The following AKAP11 variants were observed in gnomAD, a reference collection of about 807,000 sequenced individuals.
The protein encoded by AKAP11 is A-kinase anchoring protein 11, also known as A-kinase anchor protein 11.
AKAP11 carries 36 observed loss-of-function variants against 146.1 expected under a neutral mutation model. The observed-to-expected ratio is 0.25, with a 90% CI of 0.19 to 0.33. AKAP11 has a LOEUF of 0.33. Among genes scored for constraint, AKAP11 ranks in the 10% least tolerant of loss-of-function variants. The pLI, the probability that AKAP11 is intolerant of heterozygous loss-of-function variation, is 1.00. For synonymous variants in AKAP11, 780 were observed against 786.5 expected (o/e 0.99, Z 0.14); for missense variants, 2,201 against 2,197.0 (o/e 1.00, Z -0.04).
In AKAP11 at chr13:42,296,185, A is replaced by G. The variant is rs17646616; in HGVS notation, c.216+443A>G. Among the ~76,000 whole-genome samples, 167 of 152,254 alleles carry G rather than the reference A, an allele frequency of 1.1e-3. 1 individual carries two copies. The East Asian group carries it at 0.012, about 11-fold the overall frequency. ...CTTCTTAAAAATTTGTGATTCCTAC[A>G]TATTTCCTTTTGTGGCAGTAAAGTG... On this transcript the variant is annotated intron_variant, in intron 5 of 12. Transcript: ENST00000025301.
Position 42,301,021 on chromosome 13 carries a change from G to A in AKAP11, c.2275G>A (p.Glu759Lys). The A allele has an allele frequency of 6.2e-7, 1 of 1,614,090 alleles. No homozygotes were observed. Among genetic ancestry groups the A allele is most frequent in the Non-Finnish European group, 8.5e-7 (1 of 1,179,954 alleles). ...QAIMVTKPVQ[E>K]YKKEYTVQQA... ...AATTATGGTGACAAAACCAGTGCAG[G>A]AATATAAAAAGGAATACACAGTGCA... is the stretch of plus-strand genomic sequence containing the variant. Residue 759 changes from glutamate to lysine, a missense_variant, in exon 8 of 13, where the codon GAA becomes AAA. Glu to Lys is a moderately conservative substitution (Grantham distance 56). Transcript: ENST00000025301.
intron 1 of AKAP11, among the ~76,000 whole-genome samples, chr13:42,277,236 G>C (rs903268434): frequency 4.6e-5 from 7 of 152,052 alleles, no homozygotes; most frequent in African/African-American, 1.7e-4. Context: ...ATCATTTGAG[G>C]GCATATATCC....
intron 3 of AKAP11, among the ~76,000 whole-genome samples, chr13:42,289,668 A>T (rs550220291): frequency 1.3e-5 from 2 of 151,820 alleles, no homozygotes; most frequent in East Asian, 1.9e-4. Context: ...TTTTTTTTTT[A>T]AAGAACCCTG....
Position 42,300,967 on chromosome 13 carries a change from A to G in AKAP11, c.2221A>G (p.Thr741Ala). 1 of 1,614,156 alleles carries G rather than the reference A, an allele frequency of 6.2e-7. No individual in the cohort carries two copies. The highest frequency in any genetic ancestry group is 8.5e-7 in the Non-Finnish European group (1 of 1,179,982). Residue 741 changes from threonine (T) to alanine (A), a missense_variant, in exon 8 of 13, where the codon ACG becomes GCG. Physicochemically the swap from Thr to Ala is moderately conservative, Grantham distance 58. This residue lies in a region of AKAP11 where 1,867 missense variants were observed against 1,833.5 expected (regional missense o/e 1.02). Transcript: ENST00000025301. ...ESVVPSTQAVTFSPSFHNQAI... is the reference protein window; with the variant it reads ...ESVVPSTQAVAFSPSFHNQAI... ...TGTAGTGCCATCGACACAGGCTGTC[A>G]CGTTTTCCCCTTCTTTTCACAATCA...
chr13:42,298,577 A>T lies in AKAP11; in HGVS notation c.396A>T (p.Thr132=), dbSNP rs1379404268. ...GMLCVMRVSP[T]SPRLRIDFIF... ...TTTGTGTCATGAGAGTGTCACCTACATCACCAAGACTTAGGATTGATTTTA... is the reference window on the plus strand; with the variant it reads ...TTTGTGTCATGAGAGTGTCACCTACTTCACCAAGACTTAGGATTGATTTTA... Residue 132 remains threonine (T), a synonymous_variant, in exon 7 of 13, where the codon ACA becomes ACT. Transcript: ENST00000025301. 1 of 1,612,678 alleles carries T rather than the reference A, an allele frequency of 6.2e-7. No individual in the cohort carries two copies. The highest frequency in any genetic ancestry group is 1.7e-5 in the Admixed American group (1 of 59,732).
intron 6 of AKAP11, among the ~76,000 whole-genome samples, chr13:42,297,985 G>T (rs569868641): frequency 2.0e-5 from 3 of 151,782 alleles, no homozygotes; most frequent in South Asian, 4.1e-4. Flanking sequence ...CTTGAAAAAA[G>T]TAGTATGAGG....
chr13:42,287,575 C>A (rs187404533), intron 3 of AKAP11, among the ~76,000 whole-genome samples: 1 of 152,048 alleles, frequency 6.6e-6, no homozygotes, highest in Non-Finnish European at 1.5e-5. Flanking sequence ...TGAGCCACTG[C>A]GTCTGGCCAA....
At chr13:42,286,503 A>G (rs982008508) in intron 3 of AKAP11, 104 bp downstream of exon 3, 3 of 785,380 alleles carry the variant, frequency 3.8e-6, no homozygotes, top group African/African-American at 3.6e-5. Flanking sequence ...GAATCTTATT[A>G]TTTGAATTAG....
At chr13:42,299,102 C>T (rs1015840505) in intron 7 of AKAP11, among the ~76,000 whole-genome samples, 3 of 152,086 alleles carry the variant, frequency 2.0e-5, no homozygotes, top group African/African-American at 7.2e-5. Flanking sequence ...GCAGAGTCTC[C>T]ACGGTAATTT....
rs9315906 is a variant in AKAP11, at chr13:42,303,129, G to C, written c.4383G>C (p.Leu1461=). The C allele has an allele frequency of 0.15, 239,571 of 1,613,940 alleles. 18,542 individuals carry two copies. The highest frequency in any genetic ancestry group is 0.2 in the South Asian group (18,269 of 91,058). ...AACTGTATAGTTTTTCAACCTCTCT[G>C]GTTCACAGCATAACAAAAGATGCTA... ...VSQLYSFSTS[L]VHSITKDAKE... The change falls in exon 8 of 13, where the codon CTG becomes CTC. Residue 1461 remains leucine (L), a synonymous_variant. Transcript: ENST00000025301.
intron 1 of AKAP11, among the ~76,000 whole-genome samples, chr13:42,275,342 A>G (rs1388248350): frequency 1.3e-5 from 2 of 152,270 alleles, no homozygotes; most frequent in Admixed American, 1.3e-4. Context: ...CTCAGCAAAC[A>G]TCTCCAAGTC....
chr13:42,282,508 A>G (rs1247554810), intron 1 of AKAP11, among the ~76,000 whole-genome samples: 2 of 152,100 alleles, frequency 1.3e-5, no homozygotes, highest in Non-Finnish European at 2.9e-5. Flanking sequence ...GATAAATTTT[A>G]AGAAGTGAAA....
In AKAP11 at chr13:42,275,750, C is replaced by A. The variant is rs372606582; in HGVS notation, c.-100+3522C>A. Among the ~76,000 whole-genome samples the A allele has an allele frequency of 1.8e-4, 28 of 152,280 alleles. No individual in the cohort carries two copies. The South Asian group carries it at 4.8e-3, about 26-fold the overall frequency. ...TCAGTTTTCCTATGCGTAGAATGGG[C>A]ATAATAGCACCTTCTGTGGTGAGAA... On this transcript the variant is annotated intron_variant, in intron 1 of 12. Coordinates refer to ENST00000025301, the MANE Select transcript of AKAP11 (RefSeq NM_016248.4).
chr13:42,283,639 C>T (rs1959107896), intron 1 of AKAP11, among the ~76,000 whole-genome samples: 1 of 152,198 alleles, frequency 6.6e-6, no homozygotes. Context: ...CTTGTTGCAC[C>T]TGAGGGTGAG....
intron 11 of AKAP11, 98 bp from the exon 12 acceptor site, chr13:42,317,430 T>A: frequency 1.6e-6 from 2 of 1,274,262 alleles, no homozygotes; most frequent in South Asian, 3.2e-5. Context: ...TTCATTAGAA[T>A]CCTAAGAACC....
chr13:42,320,019 T>C lies in AKAP11; in HGVS notation c.*791T>C, dbSNP rs1229775996. The C allele has an allele frequency of 6.6e-6, 1 of 152,116 alleles. No homozygotes were observed. The highest frequency in any genetic ancestry group is 1.5e-5 in the Non-Finnish European group (1 of 67,884). 9.4% of individuals were successfully genotyped at this position (152,116 alleles called of 1,614,324 possible). A position where few individuals can be genotyped will look rare whatever the true frequency, so the allele number is the denominator to read the frequency against. On this transcript the variant is annotated 3_prime_UTR_variant, in exon 13 of 13. Transcript: ENST00000025301. The stretch of plus-strand genomic sequence containing the variant: ...TACTGTTTTCTTTTTAGAAACCCAC[T>C]GTTAAAATTTAAAAAGGTGCTTTAA...
chr13:42,303,652 A>C lies in AKAP11; in HGVS notation c.4906A>C (p.Ser1636Arg). Residue 1636 changes from serine (S) to arginine (R), a missense_variant, in exon 8 of 13, where the codon AGT (serine) becomes CGT (arginine). This residue lies in a region of AKAP11 where 1,867 missense variants were observed against 1,833.5 expected (regional missense o/e 1.02). Transcript: ENST00000025301. The part of the protein sequence containing the change: ...RYQKSRIFHL[S>R]VPQIHVNLDK... Reference sequence around the variant, plus strand: ...TCAGAAATCTAGGATTTTTCATCTCAGTGTCCCTCAGATTCATGTTAATCT... The same window carrying C: ...TCAGAAATCTAGGATTTTTCATCTCCGTGTCCCTCAGATTCATGTTAATCT... The C allele has an allele frequency of 1.2e-6, 2 of 1,614,172 alleles. No individual in the cohort carries two copies. The highest frequency in any genetic ancestry group is 1.1e-5 in the South Asian group (1 of 91,082).
At chr13:42,316,867 A>T (rs1188456423) in intron 11 of AKAP11, among the ~76,000 whole-genome samples, 1 of 152,044 alleles carries the variant, frequency 6.6e-6, no homozygotes, top group African/African-American at 2.4e-5. Context: ...TTTATTTGAG[A>T]TTTCTGTTTT....
At chr13:42,276,860 C>T (rs2138403767) in intron 1 of AKAP11, among the ~76,000 whole-genome samples, 1 of 152,268 alleles carries the variant, frequency 6.6e-6, no homozygotes, top group East Asian at 1.9e-4. Flanking sequence ...AATGCCTTTT[C>T]AGCAATATAC....
Sources: allele counts gnomAD v4.1 joint callset (sites outside exome capture counted in the v4.1 genomes callset), GRCh38; gene constraint gnomAD v4.1.1; regional missense constraint gnomAD v4.1.1; transcripts MANE v1.5; gene names NCBI Gene and HGNC (gene_info 2026-07-23, HGNC 2026-07-21).